Variants in AP2B1 observed in about 807,000 individuals in gnomAD.
AP2B1 encodes the protein adaptor related protein complex 2 subunit beta 1.
Under a neutral mutation model 102.0 loss-of-function variants are expected in AP2B1, and 23 were observed. The ratio of observed to expected loss-of-function variants is 0.23; its 90% confidence interval spans 0.16 to 0.32. The LOEUF (loss-of-function observed/expected upper bound fraction) is 0.32, where lower values mean the gene tolerates loss of function less well. AP2B1 is among the 10% of genes least tolerant of loss of function. The probability of loss-of-function intolerance (pLI) is 1.00; values close to 1 mark genes in which losing one functional copy is unlikely to be tolerated. For missense variants in AP2B1, 541 were observed against 1,157.4 expected, an observed-to-expected ratio of 0.47 and a Z score of 7.73; for synonymous variants, 381 against 421.2, an observed-to-expected ratio of 0.90 and a Z score of 1.17.
chr17:35,679,896 T>C (rs34619890), intron 17 of AP2B1, among the ~76,000 whole-genome samples: 22,874 of 151,502 alleles, frequency 0.15, 1,852 homozygotes, highest in East Asian at 0.29. Flanking sequence ...CTTTAGCCAC[T>C]CTAACTCTTG....
chr17:35,636,470 C>T lies in AP2B1; in HGVS notation c.1271+14C>T. 2 of 1,577,758 alleles carry T rather than the reference C, an allele frequency of 1.3e-6. No individual in the cohort carries two copies. The highest frequency in any genetic ancestry group is 1.7e-6 in the Non-Finnish European group (2 of 1,147,434). On this transcript the variant is annotated intron_variant, in intron 10 of 21. Coordinates refer to ENST00000610402, the MANE Select transcript of AP2B1 (RefSeq NM_001030006.2). ...ATACCCCAACAAGTATGTCCAAATA[C>T]CTTTACCCCTCTTTCTCAAATTACT...
intron 18 of AP2B1, among the ~76,000 whole-genome samples, chr17:35,689,459 A>C (rs1001024876): frequency 6.6e-6 from 1 of 152,306 alleles, no homozygotes; most frequent in East Asian, 1.9e-4. Context: ...TACCACCCCC[A>C]GCTCAGTATG....
At chr17:35,630,376 C>T (rs931230619) in intron 9 of AP2B1, among the ~76,000 whole-genome samples, 1 of 152,176 alleles carries the variant, frequency 6.6e-6, no homozygotes, top group African/African-American at 2.4e-5. Context: ...TGTCACCACA[C>T]GTCACAACTT....
chr17:35,677,543 G>A (rs2075727688), intron 17 of AP2B1, among the ~76,000 whole-genome samples: 1 of 152,106 alleles, frequency 6.6e-6, no homozygotes, highest in Admixed American at 6.5e-5. Context: ...GATGGCCTAA[G>A]TCCTGCAACT....
rs11463249 is a variant in AP2B1, at chr17:35,633,357, CA to C, written c.1156-2970del. 4.6e-4 allele frequency among the ~76,000 whole-genome samples: 59 copies of C among 129,188 alleles called. 1 individual carries two copies. The highest frequency in any genetic ancestry group is 4.5e-3 in the Middle Eastern group (1 of 222). The allele number at this position is 129,188 out of a possible 152,430, so 84.8% of individuals were successfully genotyped here. On this transcript the variant is annotated intron_variant, in intron 9 of 21. Coordinates refer to ENST00000610402, the MANE Select transcript of AP2B1 (RefSeq NM_001030006.2). The stretch of plus-strand genomic sequence containing the variant: ...CTGGTCACAGAGCGAGACTGTGTCT[CA>C]AAAAAAAAAAAAACAGACTGCAGAA...
At position 35,627,558 on chromosome 17, in the gene AP2B1, C is replaced by A. The variant is rs1046252771; in HGVS notation, c.1059+53C>A. The A allele has an allele frequency of 1.2e-4, 196 of 1,612,780 alleles. 2 individuals carry two copies. The highest frequency in any genetic ancestry group is 5.9e-6 in the Non-Finnish European group (7 of 1,179,340). On this transcript the variant is annotated intron_variant, in intron 8 of 21. Coordinates refer to ENST00000610402, the MANE Select transcript of AP2B1 (RefSeq NM_001030006.2). ...TGATGATTTAGCTCTTAAGGTCTGG[C>A]CTTTAAAGAAGCTAGGCTGTGAGAT...
chr17:35,610,688 A>G (rs1418525269), intron 5 of AP2B1, among the ~76,000 whole-genome samples: 82 of 151,264 alleles, frequency 5.4e-4, no homozygotes, highest in Non-Finnish European at 2.1e-4. Context: ...TGGGTGGATC[A>G]CGAAGTCAGG....
chr17:35,596,856 C>G (rs1230682930), intron 2 of AP2B1: 3 of 683,780 alleles, frequency 4.4e-6, no homozygotes, highest in Non-Finnish European at 8.2e-6. Context: ...CACAGGCCGC[C>G]CAGCAGGAAG....
intron 6 of AP2B1, among the ~76,000 whole-genome samples, chr17:35,625,204 T>C (rs2074282536): frequency 6.6e-6 from 1 of 152,240 alleles, no homozygotes; most frequent in African/African-American, 2.4e-5. Context: ...CCCTAATTTT[T>C]ATTGAGCATT....
At chr17:35,616,626 G>T (rs1172538468) in intron 5 of AP2B1, among the ~76,000 whole-genome samples, 1 of 152,198 alleles carries the variant, frequency 6.6e-6, no homozygotes. Context: ...GCATTGGGAT[G>T]TTACTATTAA....
chr17:35,702,823 A>G (rs2076262889), intron 18 of AP2B1, among the ~76,000 whole-genome samples: 1 of 152,160 alleles, frequency 6.6e-6, no homozygotes, highest in African/African-American at 2.4e-5. Context: ...CCACAATGAG[A>G]TACTATCTCA....
In AP2B1 at chr17:35,693,017, TG is replaced by T. The variant is rs985088318; in HGVS notation, c.2454+10199del. On this transcript the variant is annotated intron_variant, in intron 18 of 21. Transcript: ENST00000610402. ...GTTTGTTTTCTTTGGCGCGGGGCGG[TG>T]GGGGGAGGGGCGGTAAATTGGAGTC... 4.8e-5 allele frequency among the ~76,000 whole-genome samples: 5 copies of T among 103,450 alleles called. No homozygotes were observed. In the South Asian group the frequency reaches 1.6e-3, roughly 33 times the overall value. 67.9% of individuals were successfully genotyped at this position (103,450 alleles called of 152,430 possible). A position where few individuals can be genotyped will look rare whatever the true frequency, so the allele number is the denominator to read the frequency against.
intron 20 of AP2B1, among the ~76,000 whole-genome samples, chr17:35,712,194 C>T (rs974107588): frequency 2.6e-5 from 4 of 152,088 alleles, no homozygotes; most frequent in Non-Finnish European, 5.9e-5. Flanking sequence ...CTTTGAGGCT[C>T]ACTGGTGGAT....
At chr17:35,627,349 C>G in intron 7 of AP2B1, 36 bp from the exon 8 acceptor site, 3 of 1,567,740 alleles carry the variant, frequency 1.9e-6, no homozygotes, top group Non-Finnish European at 2.6e-6. Context: ...CAGTATATGC[C>G]TTCACCTTCC....
intron 5 of AP2B1, among the ~76,000 whole-genome samples, chr17:35,615,272 C>T (rs1452189418): frequency 6.6e-6 from 1 of 152,008 alleles, no homozygotes; most frequent in African/African-American, 2.4e-5. Context: ...GTAATAATGC[C>T]GATTTTAGTG....
At chr17:35,649,093 C>T (rs756517558) in intron 12 of AP2B1, among the ~76,000 whole-genome samples, 6 of 152,030 alleles carry the variant, frequency 3.9e-5, no homozygotes, top group African/African-American at 1.2e-4. Context: ...GTTAATATTA[C>T]GTGAGCTCCT....
At position 35,723,660 on chromosome 17, in the gene AP2B1, A is replaced by G. The variant is rs782586469; in HGVS notation, c.2817A>G (p.Gln939=). The G allele has an allele frequency of 1.9e-6, 3 of 1,598,914 alleles. No individual in the cohort carries two copies. Among genetic ancestry groups the G allele is most frequent in the South Asian group, 1.1e-5 (1 of 90,014 alleles). Reference sequence around the variant, plus strand: ...AGTGTAGAGCTCCTGAAGTCTCTCAATACATCTATCAGGTCTACGACAGCA... The same window carrying G: ...AGTGTAGAGCTCCTGAAGTCTCTCAGTACATCTATCAGGTCTACGACAGCA... The part of the protein sequence containing the change: ...SLKCRAPEVS[Q]YIYQVYDSIL... The change falls in exon 22 of 22, where the codon CAA becomes CAG. Residue 939 remains glutamine (Q), a synonymous_variant. Coordinates refer to ENST00000610402, the MANE Select transcript of AP2B1 (RefSeq NM_001030006.2).
chr17:35,700,990 T>C (rs2076229167), intron 18 of AP2B1, among the ~76,000 whole-genome samples: 1 of 152,212 alleles, frequency 6.6e-6, no homozygotes. Flanking sequence ...GAGGGTTAGG[T>C]AATCTTCTTG....
At chr17:35,721,932 A>G (rs888090250) in intron 21 of AP2B1, among the ~76,000 whole-genome samples, 4 of 152,162 alleles carry the variant, frequency 2.6e-5, no homozygotes, top group Non-Finnish European at 5.9e-5. Flanking sequence ...AGAAGGCTGT[A>G]GAGAAGGAGG....
Sources: allele counts gnomAD v4.1 joint callset (sites outside exome capture counted in the v4.1 genomes callset), GRCh38; gene constraint gnomAD v4.1.1; transcripts MANE v1.5; gene names NCBI Gene and HGNC (gene_info 2026-07-23, HGNC 2026-07-21).